PTPRD: variants seen among roughly 807,000 people sequenced by gnomAD.
PTPRD encodes receptor-type tyrosine-protein phosphatase delta.
In PTPRD, 34 loss-of-function variants were observed where a neutral mutation model predicts 214.5. That is an observed-to-expected ratio of 0.16 (90% CI 0.12 to 0.21). PTPRD has a LOEUF of 0.21. PTPRD is among the 10% of genes least tolerant of loss of function. PTPRD has a pLI of 1.00. For synonymous variants in PTPRD, 1,128 were observed against 845.7 expected (o/e 1.33, Z -5.79); for missense variants, 2,545 against 2,398.7 (o/e 1.06, Z -1.27).
At chr9:8,852,420 T>C (rs2154543283) in intron 11 of PTPRD, among the ~76,000 whole-genome samples, 1 of 152,308 alleles carries the variant, frequency 6.6e-6, no homozygotes. Flanking sequence ...GCCTTTCTGG[T>C]CAATGAATTC....
intron 3 of PTPRD, among the ~76,000 whole-genome samples, chr9:10,201,535 T>A (rs1353729949): frequency 6.6e-6 from 1 of 152,072 alleles, no homozygotes; most frequent in Non-Finnish European, 1.5e-5. Flanking sequence ...AATTGTCATC[T>A]TTTTAAAGGC....
chr9:10,408,086 C>A (rs912542930), intron 2 of PTPRD, among the ~76,000 whole-genome samples: 1 of 151,296 alleles, frequency 6.6e-6, no homozygotes, highest in Non-Finnish European at 1.5e-5. Flanking sequence ...GGTGATGAAC[C>A]CCATGGCATT....
intron 9 of PTPRD, among the ~76,000 whole-genome samples, chr9:9,396,310 C>T (rs1161353109): frequency 6.6e-6 from 1 of 151,916 alleles, no homozygotes; most frequent in East Asian, 1.9e-4. Context: ...GTCTTTAAAC[C>T]AGCAGCTTTG....
At chr9:8,756,649 C>T (rs2094008661) in intron 11 of PTPRD, among the ~76,000 whole-genome samples, 1 of 152,050 alleles carries the variant, frequency 6.6e-6, no homozygotes, top group African/African-American at 2.4e-5. Context: ...AAGCCTAGTC[C>T]ATGCTTAGGA....
At chr9:10,586,936 G>C (rs145413392) in intron 2 of PTPRD, among the ~76,000 whole-genome samples, 1 of 152,014 alleles carries the variant, frequency 6.6e-6, no homozygotes, top group African/African-American at 2.4e-5. Flanking sequence ...CATTTTACAT[G>C]ATAATACCCT....
chr9:8,635,175 C>A (rs2096391448), intron 13 of PTPRD, among the ~76,000 whole-genome samples: 1 of 150,264 alleles, frequency 6.7e-6, no homozygotes, highest in East Asian at 1.9e-4. Context: ...AATTCATTTA[C>A]CCCAAAGGTG....
At chr9:10,252,626 T>C (rs1279176160) in intron 3 of PTPRD, among the ~76,000 whole-genome samples, 2 of 152,106 alleles carry the variant, frequency 1.3e-5, no homozygotes, top group Non-Finnish European at 2.9e-5. Context: ...AGTATTGTTT[T>C]AAGAAACTGT....
chr9:10,352,231 ATTACT>A (rs995086218), intron 2 of PTPRD, among the ~76,000 whole-genome samples: 2 of 152,004 alleles, frequency 1.3e-5, no homozygotes, highest in African/African-American at 2.4e-5. Context: ...AATACATAAA[ATTACT>A]TTATCCTGTT....
chr9:10,375,290 C>G (rs1260779069), intron 2 of PTPRD, among the ~76,000 whole-genome samples: 1 of 151,954 alleles, frequency 6.6e-6, no homozygotes, highest in African/African-American at 2.4e-5. Flanking sequence ...GGGGATAATT[C>G]TATGCATGCA....
chr9:8,648,679 T>G (rs1414470236), intron 12 of PTPRD, among the ~76,000 whole-genome samples: 1 of 152,244 alleles, frequency 6.6e-6, no homozygotes, highest in Admixed American at 6.5e-5. Flanking sequence ...GAGAAAGTTA[T>G]GCATTACATA....
At chr9:8,567,299 T>G (rs919033168) in intron 14 of PTPRD, among the ~76,000 whole-genome samples, 22 of 152,244 alleles carry the variant, frequency 1.4e-4, no homozygotes, top group African/African-American at 5.3e-4. Context: ...CCTGTAATCC[T>G]GTTCCCTCCT....
At chr9:8,905,847 G>C (rs1011160632) in intron 11 of PTPRD, among the ~76,000 whole-genome samples, 5 of 151,884 alleles carry the variant, frequency 3.3e-5, no homozygotes, top group Non-Finnish European at 5.9e-5. Context: ...CCAATCCAAC[G>C]AGTTTATTCA....
At chr9:8,925,408 T>A (rs1209469961) in intron 11 of PTPRD, among the ~76,000 whole-genome samples, 1 of 151,918 alleles carries the variant, frequency 6.6e-6, no homozygotes, top group African/African-American at 2.4e-5. Flanking sequence ...GTGAAAAATG[T>A]CAAAAGCAAG....
chr9:9,682,657 G>A (rs1334254650), intron 7 of PTPRD, among the ~76,000 whole-genome samples: 2 of 151,664 alleles, frequency 1.3e-5, no homozygotes, highest in Admixed American at 6.6e-5. Context: ...CTCTGTCCAG[G>A]TGTTGGTAGA....
chr9:10,004,580 T>A (rs925051842), intron 4 of PTPRD, among the ~76,000 whole-genome samples: 2 of 151,820 alleles, frequency 1.3e-5, no homozygotes, highest in Non-Finnish European at 2.9e-5. Flanking sequence ...AATAATTAAA[T>A]AATTTTAAGG....
chr9:8,647,056 G>C (rs746965261), intron 12 of PTPRD, among the ~76,000 whole-genome samples: 4 of 152,184 alleles, frequency 2.6e-5, no homozygotes, highest in Non-Finnish European at 4.4e-5. Context: ...CATAGTGAGA[G>C]ACGAATAGAT....
At chr9:9,666,462 G>A (rs1209294996) in intron 7 of PTPRD, among the ~76,000 whole-genome samples, 1 of 152,002 alleles carries the variant, frequency 6.6e-6, no homozygotes, top group East Asian at 1.9e-4. Context: ...TCTGGTGGGA[G>A]TTTGTGTGGC....
chr9:8,968,916 A>G (rs1028341731), intron 11 of PTPRD, among the ~76,000 whole-genome samples: 3 of 152,118 alleles, frequency 2.0e-5, no homozygotes, highest in Non-Finnish European at 4.4e-5. Flanking sequence ...GAAAAAGTTC[A>G]CAAAAATCAG....
intron 2 of PTPRD, among the ~76,000 whole-genome samples, chr9:10,584,127 CTCT>C (rs937419021): frequency 6.6e-6 from 1 of 151,814 alleles, no homozygotes; most frequent in East Asian, 1.9e-4. Flanking sequence ...ATCCTTACCC[CTCT>C]TCTTCTCTCT....
Sources: gnomAD v4.1 joint callset for allele counts (sites outside exome capture counted in the v4.1 genomes callset) on GRCh38, gnomAD v4.1.1 for gene constraint, MANE v1.5 for transcripts, NCBI Gene and HGNC (gene_info 2026-07-23, HGNC 2026-07-21) for gene names.